MRTFB: variants seen among roughly 807,000 people sequenced by gnomAD.
The protein encoded by MRTFB is myocardin related transcription factor B.
In MRTFB, 29 loss-of-function variants were observed where a neutral mutation model predicts 104.2. The observed-to-expected ratio is 0.28, with a 90% confidence interval of 0.21 to 0.38. MRTFB has a LOEUF of 0.38. Ranked by LOEUF, MRTFB falls within the 10% of genes least tolerant of loss-of-function variation. The probability of loss-of-function intolerance (pLI) is 1.00; values close to 1 mark genes in which losing one functional copy is unlikely to be tolerated. For synonymous variants in MRTFB, 535 were observed against 519.5 expected (o/e 1.03, Z -0.41); for missense variants, 1,270 against 1,341.6 (o/e 0.95, Z 0.83).
At chr16:14,176,898 A>T (rs554118276) in intron 3 of MRTFB, among the ~76,000 whole-genome samples, 1 of 152,356 alleles carries the variant, frequency 6.6e-6, no homozygotes. Context: ...GACAGGTATC[A>T]TGAGTGTTCA....
chr16:14,081,115 C>A (rs1345667568), intron 2 of MRTFB, among the ~76,000 whole-genome samples: 1 of 152,144 alleles, frequency 6.6e-6, no homozygotes, highest in African/African-American at 2.4e-5. Context: ...ACATTCCTCC[C>A]AATGGTGTTC....
At chr16:14,014,478 C>A in the MRTFB span, among the ~76,000 whole-genome samples, 2 of 151,556 alleles carry the variant, frequency 1.3e-5, no homozygotes, top group African/African-American at 4.9e-5. Flanking sequence ...ATTGCTTGAA[C>A]CTGGGAGGCA....
intron 13 of MRTFB, 63 bp from the exon 14 acceptor site, chr16:14,251,799 T>G: frequency 1.3e-6 from 2 of 1,576,276 alleles, no homozygotes; most frequent in South Asian, 2.3e-5. Flanking sequence ...AAAACATGGT[T>G]TTCTTTACTT....
At chr16:14,196,964 C>CTTTTTTTTTTTTTTTTT (rs35259229) in intron 3 of MRTFB, among the ~76,000 whole-genome samples, 2 of 103,188 alleles carry the variant, frequency 1.9e-5, no homozygotes, top group Admixed American at 1.3e-4. Context: ...TCTCTTTTTT[C>CTTTTTTTTTTTTTTTTT]TTTTTTTTTT....
chr16:14,127,923 ATATATATTTTT>A (rs1567355903), intron 2 of MRTFB, among the ~76,000 whole-genome samples: 1 of 39,186 alleles, frequency 2.6e-5, no homozygotes, highest in Non-Finnish European at 3.9e-5. Context: ...ATATATATAT[ATATATATTTTT>A]TTTTTTTTTT....
At chr16:14,082,994 G>C (rs2034500850) in intron 2 of MRTFB, among the ~76,000 whole-genome samples, 2 of 152,122 alleles carry the variant, frequency 1.3e-5, no homozygotes, top group Admixed American at 1.3e-4. Flanking sequence ...GTGAGCATGG[G>C]ATATCTTTCC....
At chr16:14,212,598 T>G (rs1221537390) in intron 5 of MRTFB, among the ~76,000 whole-genome samples, 189 bp downstream of exon 5, 1 of 152,198 alleles carries the variant, frequency 6.6e-6, no homozygotes, top group Admixed American at 6.6e-5. Flanking sequence ...AGAAAATACA[T>G]GACATTCAAA....
intron 2 of MRTFB, among the ~76,000 whole-genome samples, chr16:14,108,520 C>T (rs2036111782): frequency 6.6e-6 from 1 of 152,166 alleles, no homozygotes; most frequent in African/African-American, 2.4e-5. Flanking sequence ...TACATGTTAG[C>T]TGTTAAAGTC....
the MRTFB span, among the ~76,000 whole-genome samples, chr16:14,030,678 C>T: frequency 6.6e-6 from 1 of 152,162 alleles, no homozygotes; most frequent in South Asian, 2.1e-4. Flanking sequence ...GACGAGGAAA[C>T]AAACGCAGAA....
chr16:14,141,324 CAG>C, intron 3 of MRTFB: 2 of 152,478 alleles, frequency 1.3e-5, no homozygotes, highest in East Asian at 3.8e-4. Flanking sequence ...TCATCGCTCA[CAG>C]AGATATTCCA....
chr16:14,023,471 C>A, the MRTFB span, among the ~76,000 whole-genome samples: 3 of 151,558 alleles, frequency 2.0e-5, no homozygotes, highest in African/African-American at 4.9e-5. Flanking sequence ...GTGCTTAAAT[C>A]CTAGTTTCTC....
the MRTFB span, among the ~76,000 whole-genome samples, chr16:14,027,353 T>C: frequency 2.0e-5 from 3 of 152,288 alleles, no homozygotes; most frequent in Non-Finnish European, 2.9e-5. Flanking sequence ...GGAGAACAGA[T>C]TGATGGTCGC....
At chr16:14,188,207 G>A (rs2040029046) in intron 3 of MRTFB, among the ~76,000 whole-genome samples, 1 of 152,128 alleles carries the variant, frequency 6.6e-6, no homozygotes, top group Non-Finnish European at 1.5e-5. Flanking sequence ...CTTACTGCCG[G>A]TTTTTATAAA....
At chr16:14,081,441 C>T (rs780034481) in intron 2 of MRTFB, among the ~76,000 whole-genome samples, 14 of 152,082 alleles carry the variant, frequency 9.2e-5, no homozygotes, top group African/African-American at 1.2e-4. Context: ...TACAGGCATC[C>T]GCCATCATGC....
intron 3 of MRTFB, among the ~76,000 whole-genome samples, chr16:14,155,680 T>G (rs1470635976): frequency 6.6e-6 from 1 of 152,188 alleles, no homozygotes; most frequent in East Asian, 1.9e-4. Flanking sequence ...AGACTCCCCT[T>G]AAAGGTATCT....
chr16:14,189,524 T>C (rs2040084081), intron 3 of MRTFB, among the ~76,000 whole-genome samples: 1 of 152,238 alleles, frequency 6.6e-6, no homozygotes, highest in Admixed American at 6.5e-5. Flanking sequence ...GAGACAAATA[T>C]ATAAATGACT....
intron 6 of MRTFB, 85 bp from the exon 7 acceptor site, chr16:14,217,041 T>A (rs2041458930): frequency 1.5e-5 from 21 of 1,380,730 alleles, no homozygotes; most frequent in Non-Finnish European, 1.7e-5. Context: ...TAAATCAGTT[T>A]AAATTCAGTT....
At chr16:14,005,134 G>A in the MRTFB span, among the ~76,000 whole-genome samples, 3,386 of 152,350 alleles carry the variant, frequency 0.022, 112 homozygotes, top group African/African-American at 0.077. Context: ...GAGCCTCCAG[G>A]AACTGATGAA....
intron 1 of MRTFB, among the ~76,000 whole-genome samples, chr16:14,076,930 T>G (rs1451647604): frequency 6.6e-6 from 1 of 152,240 alleles, no homozygotes; most frequent in East Asian, 1.9e-4. Flanking sequence ...TTTGTATTCC[T>G]TTTTCTGTGA....
Sources: gnomAD v4.1 joint callset for allele counts (sites outside exome capture counted in the v4.1 genomes callset) on GRCh38, gnomAD v4.1.1 for gene constraint, MANE v1.5 for transcripts, NCBI Gene and HGNC (gene_info 2026-07-23, HGNC 2026-07-21) for gene names.